The following HRK variants were observed in gnomAD, a reference collection of about 807,000 sequenced individuals.
HRK encodes the protein harakiri, BCL2 interacting protein, also known as activator of apoptosis harakiri.
HRK carries 6 observed loss-of-function variants against 5.9 expected under a neutral mutation model. The observed-to-expected ratio is 1.02, with a 90% confidence interval of 0.56 to 2.01. The LOEUF is 2.01. Ranked by LOEUF, HRK falls within the 30% of genes most tolerant of loss-of-function variation. HRK has a pLI of 0.00. For missense variants in HRK, 133 were observed against 128.3 expected (o/e 1.04, Z -0.18); for synonymous variants, 85 against 65.1 (o/e 1.31, Z -1.47).
intron 1 of HRK, among the ~76,000 whole-genome samples, chr12:116,863,356 C>T (rs531524461): frequency 3.9e-5 from 6 of 152,278 alleles, no homozygotes; most frequent in East Asian, 1.9e-4. Context: ...TGGCCACAGC[C>T]GCTGTCTGGA....
intron 1 of HRK, among the ~76,000 whole-genome samples, chr12:116,871,066 G>A (rs536586231): frequency 1.4e-4 from 21 of 151,864 alleles, no homozygotes; most frequent in Non-Finnish European, 2.4e-4. Flanking sequence ...TTACAGGCAC[G>A]CGCCACCACG....
At chr12:116,864,843 C>T (rs962862389) in intron 1 of HRK, among the ~76,000 whole-genome samples, 3 of 152,136 alleles carry the variant, frequency 2.0e-5, no homozygotes, top group Admixed American at 1.3e-4. Flanking sequence ...CAATTTAAAA[C>T]TATTTTTAAA....
Position 116,862,557 on chromosome 12 carries a change from G to A in HRK, c.*57-1091C>T, listed in dbSNP as rs1026837970. On this transcript the variant is annotated intron_variant, in intron 1 of 1. Transcript: ENST00000257572. This position sits in a 1 kb window ranked among gnomAD's most constrained non-coding sequence, Gnocchi z 4.0. ...AGGAGAATGGTGGTTGCCTAGGGCC[G>A]GGGCGGATAGGAGGAATTGGGGAGT... 2.0e-4 allele frequency among the ~76,000 whole-genome samples: 31 copies of A among 152,148 alleles called. No homozygotes were observed. The highest frequency in any genetic ancestry group is 7.0e-4 in the African/African-American group (29 of 41,442).
chr12:116,863,685 T>A (rs1221825530), intron 1 of HRK, among the ~76,000 whole-genome samples: 1 of 151,480 alleles, frequency 6.6e-6, no homozygotes, highest in Non-Finnish European at 1.5e-5. Flanking sequence ...ATCAGTGACT[T>A]CAAACCTTTT....
intron 1 of HRK, among the ~76,000 whole-genome samples, chr12:116,877,545 G>A (rs148107778): frequency 2.0e-5 from 3 of 152,278 alleles, no homozygotes; most frequent in South Asian, 2.1e-4. Context: ...CTGACTTCCC[G>A]GGAGGGCAGG....
In HRK at chr12:116,862,438, A is replaced by G. The variant is rs1413573308; in HGVS notation, c.*57-972T>C. ...AAGATGGATGAACCTTGAAGGCATC[A>G]TGCTAAGTCAAAGAAGCCAGACACA... is the stretch of plus-strand genomic sequence containing the variant. On this transcript the variant is annotated intron_variant, in intron 1 of 1. Coordinates refer to ENST00000257572, the MANE Select transcript of HRK (RefSeq NM_003806.4). The surrounding 1 kb of genome is among the most constrained non-coding windows in gnomAD (Gnocchi z 4.0). Among the ~76,000 whole-genome samples the G allele has an allele frequency of 1.3e-5, 2 of 152,250 alleles. No homozygotes were observed. The highest frequency in any genetic ancestry group is 3.8e-4 in the East Asian group (2 of 5,196).
chr12:116,861,604 TG>T (rs1176960488), intron 1 of HRK, 138 bp from the exon 2 acceptor site: 3 of 152,216 alleles, frequency 2.0e-5, no homozygotes, highest in Non-Finnish European at 2.9e-5. Context: ...TGCAAAGCTC[TG>T]GTTTTGGAGG....
intron 1 of HRK, among the ~76,000 whole-genome samples, chr12:116,875,848 T>C (rs1461924563): frequency 6.6e-6 from 1 of 152,150 alleles, no homozygotes; most frequent in Non-Finnish European, 1.5e-5. Context: ...CCGGCTGATG[T>C]TGCATAGTTT....
rs573145823 is a variant in HRK at position 116,874,212 on chromosome 12, C to A, written c.*56+6764G>T. 2.0e-5 allele frequency among the ~76,000 whole-genome samples: 3 copies of A among 152,292 alleles called. No homozygotes were observed. In the South Asian group the frequency reaches 6.2e-4, roughly 32 times the overall value. On this transcript the variant is annotated intron_variant, in intron 1 of 1. Coordinates refer to ENST00000257572, the MANE Select transcript of HRK (RefSeq NM_003806.4). Reference sequence around the variant, plus strand: ...GGACTCATTCATCTCTGCATCCCTGCATCTGGGCACCCAGCCCTGGCACCA... The same window carrying A: ...GGACTCATTCATCTCTGCATCCCTGAATCTGGGCACCCAGCCCTGGCACCA...
chr12:116,874,034 GGA>G (rs1211616490), intron 1 of HRK, among the ~76,000 whole-genome samples: 1 of 152,160 alleles, frequency 6.6e-6, no homozygotes, highest in African/African-American at 2.4e-5. Context: ...GGCACTGAGG[GGA>G]GTGGGCATGA....
chr12:116,863,741 C>G (rs1241422020), intron 1 of HRK, among the ~76,000 whole-genome samples: 2 of 151,778 alleles, frequency 1.3e-5, no homozygotes, highest in Non-Finnish European at 2.9e-5. Flanking sequence ...CTCTGCCACC[C>G]AGGCAGGAGT....
rs1878162879 is a variant in HRK at position 116,856,697 on chromosome 12, A to T, written c.*4826T>A. 3 of 152,190 alleles carry T rather than the reference A, an allele frequency of 2.0e-5. No individual in the cohort carries two copies. Among genetic ancestry groups the T allele is most frequent in the Non-Finnish European group, 4.4e-5 (3 of 68,048 alleles). The allele number at this position is 152,190 out of a possible 1,614,324, so 9.4% of individuals were successfully genotyped here. A position where few individuals can be genotyped will look rare whatever the true frequency, so the allele number is the denominator to read the frequency against. On this transcript the variant is annotated 3_prime_UTR_variant, in exon 2 of 2. Coordinates refer to ENST00000257572, the MANE Select transcript of HRK (RefSeq NM_003806.4). This position sits in a 1 kb window ranked among gnomAD's most constrained non-coding sequence, Gnocchi z 4.4. Reference sequence around the variant, plus strand: ...GCCCTGGAACTAGCAGTGCTGTGGGACGACCTCATGAAGGGACCCAGTGGA... The same window carrying T: ...GCCCTGGAACTAGCAGTGCTGTGGGTCGACCTCATGAAGGGACCCAGTGGA...
Position 116,859,665 on chromosome 12 carries a change from C to A in HRK, c.*1858G>T. 6.9e-6 allele frequency: 1 copy of A among 145,248 alleles called. No homozygotes were observed. The highest frequency in any genetic ancestry group is 2.5e-5 in the African/African-American group (1 of 40,144). The allele number at this position is 145,248 out of a possible 1,614,324, so 9.0% of individuals were successfully genotyped here. A position where few individuals can be genotyped will look rare whatever the true frequency, so the allele number is the denominator to read the frequency against. On this transcript the variant is annotated 3_prime_UTR_variant, in exon 2 of 2. Coordinates refer to ENST00000257572, the MANE Select transcript of HRK (RefSeq NM_003806.4). ...TTTTTTTTTTTTGGTTTGCTGAGTT[C>A]AAAGCTGCGGGGTGGGGGAGTCTTC...
intron 1 of HRK, among the ~76,000 whole-genome samples, chr12:116,875,156 T>C (rs893077007): frequency 2.6e-5 from 4 of 152,220 alleles, no homozygotes; most frequent in East Asian, 1.9e-4. Flanking sequence ...CTAAAGATGA[T>C]TTAAAGCCTA....
In HRK at chr12:116,879,042, G is replaced by T. The variant is rs1879039882; in HGVS notation, c.*56+1934C>A. On this transcript the variant is annotated intron_variant, in intron 1 of 1. Coordinates refer to ENST00000257572, the MANE Select transcript of HRK (RefSeq NM_003806.4). This position sits in a 1 kb window ranked among gnomAD's most constrained non-coding sequence, Gnocchi z 5.6. ...CCCCGCCCGCAGCCTCCCCTTCCAGGCCCCGGGAGCATTCCCACCCCGACA... is the reference window on the plus strand; with the variant it reads ...CCCCGCCCGCAGCCTCCCCTTCCAGTCCCCGGGAGCATTCCCACCCCGACA... The T allele has an allele frequency of 6.6e-6, 1 of 152,190 alleles. No individual in the cohort carries two copies. The highest frequency in any genetic ancestry group is 1.5e-5 in the Non-Finnish European group (1 of 68,164). The allele number at this position is 152,190 out of a possible 1,614,324, so 9.4% of individuals were successfully genotyped here.
chr12:116,858,869 A>G lies in HRK; in HGVS notation c.*2654T>C, dbSNP rs1878253577. ...CCCACTATCTCATGCAATCCAAGTA[A>G]TACAACAGGAGAGATGGTGGAGACA... On this transcript the variant is annotated 3_prime_UTR_variant, in exon 2 of 2. Coordinates refer to ENST00000257572, the MANE Select transcript of HRK (RefSeq NM_003806.4). 1 of 152,036 alleles carries G rather than the reference A, an allele frequency of 6.6e-6. No homozygotes were observed. Among genetic ancestry groups the G allele is most frequent in the South Asian group, 2.1e-4 (1 of 4,818 alleles). The allele number at this position is 152,036 out of a possible 1,614,324, so 9.4% of individuals were successfully genotyped here. A position where few individuals can be genotyped will look rare whatever the true frequency, so the allele number is the denominator to read the frequency against.
rs78524266 is a variant in HRK, at chr12:116,856,316, C to T, written c.*5207G>A. The stretch of plus-strand genomic sequence containing the variant: ...CTCTCTGGCTAGGCCAGAGGCCTCA[C>T]TAAGGTTCTCCAGATACCCTCCCAG... On this transcript the variant is annotated 3_prime_UTR_variant, in exon 2 of 2. Coordinates refer to ENST00000257572, the MANE Select transcript of HRK (RefSeq NM_003806.4). This position sits in a 1 kb window ranked among gnomAD's most constrained non-coding sequence, Gnocchi z 4.4. 2 of 152,216 alleles carry T rather than the reference C, an allele frequency of 1.3e-5. No individual in the cohort carries two copies. Among genetic ancestry groups the T allele is most frequent in the Non-Finnish European group, 1.5e-5 (1 of 68,072 alleles). 9.4% of individuals were successfully genotyped at this position (152,216 alleles called of 1,614,324 possible). A position where few individuals can be genotyped will look rare whatever the true frequency, so the allele number is the denominator to read the frequency against.
chr12:116,868,447 T>C (rs1380490141), intron 1 of HRK, among the ~76,000 whole-genome samples: 3 of 152,166 alleles, frequency 2.0e-5, no homozygotes, highest in African/African-American at 7.2e-5. Context: ...AGGTTCTCCA[T>C]CTGTACAATG....
chr12:116,880,365 G>C (rs1188481140), intron 1 of HRK, among the ~76,000 whole-genome samples: 1 of 152,194 alleles, frequency 6.6e-6, no homozygotes, highest in African/African-American at 2.4e-5. Flanking sequence ...TGGCAGGGCA[G>C]AGGAAAATTG....
Sources: allele counts gnomAD v4.1 joint callset (sites outside exome capture counted in the v4.1 genomes callset), GRCh38; gene constraint gnomAD v4.1.1; non-coding constraint Gnocchi (gnomAD v3.1); transcripts MANE v1.5; gene names NCBI Gene and HGNC (gene_info 2026-07-23, HGNC 2026-07-21).